PCSK5: variants seen among roughly 807,000 people sequenced by gnomAD.
The protein encoded by PCSK5 is prohormone convertase 5.
A neutral mutation model predicts 233.2 loss-of-function variants in PCSK5; 129 were observed. The ratio of observed to expected loss-of-function variants is 0.55; its 90% CI spans 0.48 to 0.64. The LOEUF (loss-of-function observed/expected upper bound fraction) is 0.64. Among genes scored for constraint, PCSK5 ranks in the 30% least tolerant of loss-of-function variants. PCSK5 has a pLI of 0.00. For missense variants in PCSK5, 2,076 were observed against 2,430.1 expected (o/e 0.85, Z 3.06); for synonymous variants, 825 against 879.2 (o/e 0.94, Z 1.09).
At chr9:76,311,527 C>T (rs962411457) in intron 30 of PCSK5, among the ~76,000 whole-genome samples, 10 of 151,988 alleles carry the variant, frequency 6.6e-5, no homozygotes, top group African/African-American at 2.2e-4. Flanking sequence ...TTGATTCCTC[C>T]TGGTTTCCTT....
chr9:76,018,059 G>C (rs539143575), intron 3 of PCSK5, among the ~76,000 whole-genome samples: 37 of 149,010 alleles, frequency 2.5e-4, no homozygotes, highest in Admixed American at 1.2e-3. Context: ...ACTGCAAAGG[G>C]GAGAACGGAG....
At chr9:75,917,649 G>A (rs550058540) in intron 1 of PCSK5, among the ~76,000 whole-genome samples, 6 of 152,276 alleles carry the variant, frequency 3.9e-5, no homozygotes, top group Admixed American at 3.9e-4. Flanking sequence ...ATAATTTAAT[G>A]CAAATAAAAC....
intron 3 of PCSK5, among the ~76,000 whole-genome samples, chr9:75,994,714 G>A (rs764577452): frequency 2.2e-4 from 33 of 151,950 alleles, no homozygotes; most frequent in African/African-American, 8.0e-4. Context: ...GAGCCAGTGC[G>A]CCCGGCCCCA....
intron 24 of PCSK5, among the ~76,000 whole-genome samples, chr9:76,249,413 A>T (rs1389337553): frequency 2.0e-5 from 3 of 152,202 alleles, no homozygotes; most frequent in African/African-American, 7.2e-5. Context: ...GAAAAGTGAA[A>T]ATTAGGGAAT....
chr9:76,159,901 C>G (rs1347390079), intron 12 of PCSK5, among the ~76,000 whole-genome samples: 1 of 145,436 alleles, frequency 6.9e-6, no homozygotes, highest in Non-Finnish European at 1.5e-5. Flanking sequence ...CGGCTCACTG[C>G]AGTCATCGCC....
chr9:76,291,365 T>A (rs894038538), intron 24 of PCSK5, among the ~76,000 whole-genome samples: 8 of 152,136 alleles, frequency 5.3e-5, no homozygotes, highest in Non-Finnish European at 8.8e-5. Flanking sequence ...GACATAAAAT[T>A]TTCACATACC....
intron 28 of PCSK5, among the ~76,000 whole-genome samples, chr9:76,302,959 CTTT>C (rs10552673): frequency 2.1e-3 from 184 of 87,486 alleles, no homozygotes; most frequent in African/African-American, 6.3e-3. Context: ...CAAAGTGGTT[CTTT>C]TTTTTTTTTT....
intron 1 of PCSK5, among the ~76,000 whole-genome samples, chr9:75,904,779 C>G (rs191778370): frequency 1.3e-5 from 2 of 152,242 alleles, no homozygotes; most frequent in African/African-American, 4.8e-5. Context: ...ACTCTATGAC[C>G]CAGCAGTTCT....
chr9:76,162,863 A>G (rs1304313563), intron 12 of PCSK5, among the ~76,000 whole-genome samples: 1 of 152,130 alleles, frequency 6.6e-6, no homozygotes, highest in African/African-American at 2.4e-5. Context: ...AACACTGCAC[A>G]CTTAACTAGC....
At chr9:76,118,135 T>C (rs1054145242) in intron 9 of PCSK5, among the ~76,000 whole-genome samples, 2 of 152,002 alleles carry the variant, frequency 1.3e-5, no homozygotes, top group African/African-American at 2.4e-5. Flanking sequence ...TGGGATCCCA[T>C]ACCTGGAATA....
At chr9:75,966,961 G>T (rs754333886) in intron 2 of PCSK5, among the ~76,000 whole-genome samples, 1 of 152,050 alleles carries the variant, frequency 6.6e-6, no homozygotes, top group Non-Finnish European at 1.5e-5. Flanking sequence ...ATGGCTTTTG[G>T]TCCTCTTGAT....
At chr9:75,894,220 G>A (rs1825721339) in intron 1 of PCSK5, among the ~76,000 whole-genome samples, 1 of 152,254 alleles carries the variant, frequency 6.6e-6, no homozygotes, top group Middle Eastern at 3.4e-3. Flanking sequence ...GATATTCTAG[G>A]TGAGTAAGGT....
At chr9:75,937,459 G>A (rs1824108881) in intron 2 of PCSK5, among the ~76,000 whole-genome samples, 1 of 152,148 alleles carries the variant, frequency 6.6e-6, no homozygotes, top group Non-Finnish European at 1.5e-5. Context: ...GATTACAGCT[G>A]TGAGCCACCA....
chr9:76,110,214 G>T (rs953023480), intron 9 of PCSK5, among the ~76,000 whole-genome samples: 2 of 150,598 alleles, frequency 1.3e-5, no homozygotes, highest in African/African-American at 4.9e-5. Context: ...TGCCCTACTC[G>T]CTGGGTATGC....
chr9:76,017,846 A>G (rs1828012612), intron 3 of PCSK5, among the ~76,000 whole-genome samples: 1 of 152,118 alleles, frequency 6.6e-6, no homozygotes, highest in East Asian at 1.9e-4. Flanking sequence ...CTTGATTTGT[A>G]TTTCCAAGAA....
chr9:75,973,939 G>A (rs1377640893), intron 2 of PCSK5, among the ~76,000 whole-genome samples: 2 of 152,198 alleles, frequency 1.3e-5, no homozygotes, highest in Admixed American at 6.5e-5. Context: ...CGTGAACATT[G>A]ACACAACAGA....
intron 24 of PCSK5, among the ~76,000 whole-genome samples, chr9:76,279,255 T>A (rs1827790846): frequency 6.6e-6 from 1 of 150,926 alleles, no homozygotes; most frequent in East Asian, 1.9e-4. Flanking sequence ...TCATTTTTTA[T>A]GGCTGCATAG....
chr9:76,008,119 T>C (rs1827562713), intron 3 of PCSK5, among the ~76,000 whole-genome samples: 1 of 152,054 alleles, frequency 6.6e-6, no homozygotes, highest in Non-Finnish European at 1.5e-5. Flanking sequence ...GATTATTCTA[T>C]TTGTGTCTCA....
In PCSK5 at chr9:76,215,604, C is replaced by T. The variant is rs147797851; in HGVS notation, c.2627-11899C>T. Reference sequence around the variant, plus strand: ...GGCCTCCAAGGGAGACGCTGAGGGCCTGCTTGGGGTGGGCTTGATAATAAT... The same window carrying T: ...GGCCTCCAAGGGAGACGCTGAGGGCTTGCTTGGGGTGGGCTTGATAATAAT... On this transcript the variant is annotated intron_variant, in intron 20 of 37. Coordinates refer to ENST00000674117, the MANE Select transcript of PCSK5 (RefSeq NM_001372043.1). Among the ~76,000 whole-genome samples the T allele has an allele frequency of 3.1e-3, 475 of 152,180 alleles. 3 individuals are homozygous for T. Among genetic ancestry groups the T allele is most frequent in the African/African-American group, 0.011 (459 of 41,524 alleles).
Sources: gnomAD v4.1 joint callset for allele counts (sites outside exome capture counted in the v4.1 genomes callset) on GRCh38, gnomAD v4.1.1 for gene constraint, MANE v1.5 for transcripts, NCBI Gene and HGNC (gene_info 2026-07-23, HGNC 2026-07-21) for gene names.